CHCHD3: variants seen among roughly 807,000 people sequenced by gnomAD.
CHCHD3 encodes MICOS complex subunit MIC19.
A neutral mutation model predicts 38.2 loss-of-function variants in CHCHD3; 20 were observed. The observed-to-expected ratio is 0.52, with a 90% CI of 0.37 to 0.76. The LOEUF is 0.76. CHCHD3 is among the 30% of genes least tolerant of loss of function. The probability of loss-of-function intolerance (pLI) is 0.00; values close to 1 mark genes in which losing one functional copy is unlikely to be tolerated. For synonymous variants in CHCHD3, 82 were observed against 100.0 expected (o/e 0.82, Z 1.07); for missense variants, 245 against 279.2 (o/e 0.88, Z 0.87).
chr7:132,921,664 C>CA (rs1810267155), intron 4 of CHCHD3, among the ~76,000 whole-genome samples: 1 of 151,010 alleles, frequency 6.6e-6, no homozygotes. Context: ...CAACAAAACA[C>CA]AAAAAAGGAT....
chr7:132,927,907 T>C (rs764226317), intron 4 of CHCHD3, among the ~76,000 whole-genome samples: 1 of 152,240 alleles, frequency 6.6e-6, no homozygotes, highest in Non-Finnish European at 1.5e-5. Flanking sequence ...ATCTTTACCC[T>C]GAAGGATCTC....
At chr7:132,828,197 A>AT (rs1226314612) in intron 6 of CHCHD3, among the ~76,000 whole-genome samples, 1 of 151,908 alleles carries the variant, frequency 6.6e-6, no homozygotes, top group African/African-American at 2.4e-5. Context: ...AACTGCCAAC[A>AT]TTTTTTTTCA....
At chr7:132,807,644 T>TAC (rs1806964958) in intron 6 of CHCHD3, among the ~76,000 whole-genome samples, 2 of 120,252 alleles carry the variant, frequency 1.7e-5, no homozygotes, top group African/African-American at 3.2e-5. Context: ...TATATATATA[T>TAC]ACTTGACATA....
chr7:132,915,955 AT>A (rs10708335), intron 4 of CHCHD3, among the ~76,000 whole-genome samples: 6,438 of 144,870 alleles, frequency 0.044, 193 homozygotes, highest in African/African-American at 0.09. Context: ...TAATAAAAAA[AT>A]TTTTTTTTTT....
intron 4 of CHCHD3, among the ~76,000 whole-genome samples, chr7:132,896,160 G>A (rs375430238): frequency 6.6e-6 from 1 of 152,198 alleles, no homozygotes; most frequent in East Asian, 1.9e-4. Flanking sequence ...GTAATGTAAT[G>A]AAATCATTCC....
chr7:132,851,446 A>G (rs986542542), intron 5 of CHCHD3, among the ~76,000 whole-genome samples: 3 of 152,180 alleles, frequency 2.0e-5, no homozygotes, highest in African/African-American at 7.2e-5. Flanking sequence ...ATGCCAATAA[A>G]AGGTCTCAAA....
chr7:132,989,339 T>C (rs1423527591), intron 3 of CHCHD3, among the ~76,000 whole-genome samples: 3 of 152,014 alleles, frequency 2.0e-5, no homozygotes, highest in Non-Finnish European at 4.4e-5. Context: ...TTATTTTAAT[T>C]CACAATAAAA....
At chr7:133,001,801 A>G (rs185185867) in intron 3 of CHCHD3, among the ~76,000 whole-genome samples, 25 of 152,352 alleles carry the variant, frequency 1.6e-4, no homozygotes, top group Admixed American at 3.3e-4. Flanking sequence ...CTAGGAAACG[A>G]TTCTCTGAAA....
At position 133,035,915 on chromosome 7, in the gene CHCHD3, C is replaced by T. The variant is rs1584662729; in HGVS notation, c.170-11288G>A. 4 of 1,593,628 alleles carry T rather than the reference C, an allele frequency of 2.5e-6. No individual in the cohort carries two copies. Among genetic ancestry groups the T allele is most frequent in the Non-Finnish European group, 3.4e-6 (4 of 1,163,920 alleles). ...CAGGATACGTGTACAGGGTCCCAGC[C>T]GCCATGGTGATTCCGCAAAGAAAGG... is the stretch of plus-strand genomic sequence containing the variant. On this transcript the variant is annotated intron_variant, in intron 2 of 7. Coordinates refer to ENST00000262570, the MANE Select transcript of CHCHD3 (RefSeq NM_017812.4). This position sits in a 1 kb window ranked among gnomAD's most constrained non-coding sequence, Gnocchi z 4.7.
intron 3 of CHCHD3, among the ~76,000 whole-genome samples, chr7:132,990,488 C>G (rs539261753): frequency 6.6e-6 from 1 of 152,242 alleles, no homozygotes; most frequent in East Asian, 1.9e-4. Context: ...GAGCCCTGGA[C>G]AGATGACAAT....
At chr7:132,853,925 C>T in intron 5 of CHCHD3, among the ~76,000 whole-genome samples, 1 of 152,038 alleles carries the variant, frequency 6.6e-6, no homozygotes, top group East Asian at 1.9e-4. Flanking sequence ...ACATACATTT[C>T]CTTGATAGTA....
chr7:132,915,376 C>A (rs1398066440), intron 4 of CHCHD3, among the ~76,000 whole-genome samples: 2 of 152,148 alleles, frequency 1.3e-5, no homozygotes, highest in Non-Finnish European at 2.9e-5. Context: ...CTGGAAGTGG[C>A]ATGTGGAGGG....
intron 3 of CHCHD3, among the ~76,000 whole-genome samples, chr7:132,987,232 T>C (rs1316110339): frequency 6.6e-6 from 1 of 152,018 alleles, no homozygotes; most frequent in Non-Finnish European, 1.5e-5. Flanking sequence ...CTGTCAACAC[T>C]ATGGAAGAGA....
At chr7:132,954,950 C>A (rs1415365991) in intron 4 of CHCHD3, among the ~76,000 whole-genome samples, 2 of 152,118 alleles carry the variant, frequency 1.3e-5, no homozygotes, top group African/African-American at 2.4e-5. Flanking sequence ...GGAGGCCATA[C>A]CATGTACCGC....
intron 3 of CHCHD3, among the ~76,000 whole-genome samples, chr7:132,998,507 C>A (rs918623000): frequency 1.3e-5 from 2 of 152,058 alleles, no homozygotes; most frequent in African/African-American, 4.8e-5. Context: ...CAGGATCACA[C>A]CACTTATCAA....
intron 2 of CHCHD3, among the ~76,000 whole-genome samples, chr7:133,042,916 G>A (rs1252582324): frequency 6.6e-6 from 1 of 151,886 alleles, no homozygotes; most frequent in East Asian, 1.9e-4. Context: ...ACCCAGGCTG[G>A]AGCCTAGCAG....
intron 4 of CHCHD3, among the ~76,000 whole-genome samples, chr7:132,919,253 C>A (rs1345303096): frequency 6.6e-6 from 1 of 151,860 alleles, no homozygotes; most frequent in African/African-American, 2.4e-5. Context: ...GGACTACAGG[C>A]GCCCGCCAGC....
In CHCHD3 at chr7:132,898,968, G is replaced by A. The variant is rs566657456; in HGVS notation, c.370-13223C>T. On this transcript the variant is annotated intron_variant, in intron 4 of 7. Coordinates refer to ENST00000262570, the MANE Select transcript of CHCHD3 (RefSeq NM_017812.4). ...GCCTGCAAGCGCCGCACACAGCCCCGGTTCCCGCTCGCGCCTCCCCCTCCA... is the reference window on the plus strand; with the variant it reads ...GCCTGCAAGCGCCGCACACAGCCCCAGTTCCCGCTCGCGCCTCCCCCTCCA... 7.9e-5 allele frequency among the ~76,000 whole-genome samples: 12 copies of A among 152,290 alleles called. No homozygotes were observed. In the East Asian group the frequency reaches 2.1e-3, roughly 27 times the overall value.
chr7:133,026,572 A>T (rs1225669591), intron 2 of CHCHD3, among the ~76,000 whole-genome samples: 1 of 152,246 alleles, frequency 6.6e-6, no homozygotes, highest in Non-Finnish European at 1.5e-5. Context: ...AAACTCATAC[A>T]TGAGTATTTA....
Sources: allele counts gnomAD v4.1 joint callset (sites outside exome capture counted in the v4.1 genomes callset), GRCh38; gene constraint gnomAD v4.1.1; non-coding constraint Gnocchi (gnomAD v3.1); transcripts MANE v1.5; gene names NCBI Gene and HGNC (gene_info 2026-07-23, HGNC 2026-07-21).